CSMD1: variants seen among roughly 807,000 people sequenced by gnomAD.
CSMD1 encodes CUB and sushi domain-containing protein 1.
CSMD1 carries 213 observed loss-of-function variants against 417.5 expected under a neutral mutation model. That is an observed-to-expected ratio of 0.51 (90% CI 0.46 to 0.57). The LOEUF (loss-of-function observed/expected upper bound fraction) is 0.57. Among genes scored for constraint, CSMD1 ranks in the 20% least tolerant of loss-of-function variants. The probability of loss-of-function intolerance (pLI) is 0.00; values close to 1 mark genes in which losing one functional copy is unlikely to be tolerated. For missense variants in CSMD1, 6,923 were observed against 4,529.7 expected (o/e 1.53, Z -15.17); for synonymous variants, 2,862 against 1,736.8 (o/e 1.65, Z -16.11).
intron 3 of CSMD1, among the ~76,000 whole-genome samples, chr8:4,193,705 C>A (rs1280509855): frequency 4.6e-5 from 7 of 152,106 alleles, no homozygotes; most frequent in Admixed American, 4.6e-4. Context: ...ATCGGCATTT[C>A]AAGGCGCAGG....
chr8:3,219,156 T>C (rs1026647275), intron 29 of CSMD1, 99 bp downstream of exon 29: 19 of 914,080 alleles, frequency 2.1e-5, no homozygotes, highest in African/African-American at 1.2e-4. Context: ...TCAGCATTTA[T>C]GTATTAAACA....
chr8:3,331,616 T>C (rs1563280305), intron 23 of CSMD1, among the ~76,000 whole-genome samples: 3 of 152,154 alleles, frequency 2.0e-5, no homozygotes, highest in Non-Finnish European at 2.9e-5. Context: ...AATGAGACAA[T>C]GAATGTGAAT....
rs5889001 is a variant in CSMD1 at position 3,933,067 on chromosome 8, TAA to T, written c.818+64834_818+64835del. ...AACTGCTTGTGGCAAATTATCTCATTAAAAAAAAACAAAAGAAACAACATTAT... is the reference window on the plus strand; with the variant it reads ...AACTGCTTGTGGCAAATTATCTCATTAAAAAAACAAAAGAAACAACATTAT... On this transcript the variant is annotated intron_variant, in intron 5 of 69. Transcript: ENST00000635120. Among the ~76,000 whole-genome samples, 43 of 146,242 alleles carry T rather than the reference TAA, an allele frequency of 2.9e-4. 1 individual carries two copies. The highest frequency in any genetic ancestry group is 6.3e-4 in the African/African-American group (25 of 39,582).
rs912322461 is a variant in CSMD1 at position 3,421,282 on chromosome 8, G to C, written c.1562-11677C>G. 2.6e-5 allele frequency among the ~76,000 whole-genome samples: 4 copies of C among 152,164 alleles called. No homozygotes were observed. The South Asian group carries it at 8.3e-4, about 32-fold the overall frequency. ...TGGATCCAGGGATTGGCCCTGAGTA[G>C]GTCCTCCACAAGGAAACAGTTGGAT... On this transcript the variant is annotated intron_variant, in intron 12 of 69. Transcript: ENST00000635120.
chr8:4,643,556 T>C (rs1478135627), intron 1 of CSMD1, among the ~76,000 whole-genome samples: 1 of 151,984 alleles, frequency 6.6e-6, no homozygotes, highest in Non-Finnish European at 1.5e-5. Context: ...AATAAAATGG[T>C]CCATTGCGAT....
At chr8:4,299,116 G>A (rs887946246) in intron 3 of CSMD1, among the ~76,000 whole-genome samples, 2 of 152,026 alleles carry the variant, frequency 1.3e-5, no homozygotes, top group South Asian at 2.1e-4. Flanking sequence ...ATAGAATACA[G>A]AAAACATTAA....
At chr8:4,467,415 C>T (rs367633494) in intron 2 of CSMD1, among the ~76,000 whole-genome samples, 13 of 151,728 alleles carry the variant, frequency 8.6e-5, no homozygotes, top group African/African-American at 2.7e-4. Context: ...TCTCTTTTTC[C>T]GTCTTAGACT....
chr8:4,712,655 T>C lies in CSMD1; in HGVS notation c.86-75097A>G, dbSNP rs188652104. On this transcript the variant is annotated intron_variant, in intron 1 of 69. Transcript: ENST00000635120. ...GATTTGCAGCATCTTTTTCCTCTAA[T>C]TGGGCAACTAGTAAACATTTCACAA... Among the ~76,000 whole-genome samples, 149 of 152,348 alleles carry C rather than the reference T, an allele frequency of 9.8e-4. 1 individual carries two copies. The highest frequency in any genetic ancestry group is 3.9e-3 in the East Asian group (20 of 5,180).
intron 1 of CSMD1, among the ~76,000 whole-genome samples, chr8:4,793,217 A>T (rs1218671372): frequency 6.6e-6 from 1 of 152,160 alleles, no homozygotes; most frequent in Admixed American, 6.5e-5. Flanking sequence ...GCAGCACAAG[A>T]CATGATCATG....
Position 4,172,855 on chromosome 8 carries a change from C to T in CSMD1, c.416-140756G>A, listed in dbSNP as rs532746956. Among the ~76,000 whole-genome samples the T allele has an allele frequency of 3.3e-5, 5 of 152,146 alleles. 1 individual carries two copies. In the East Asian group the frequency reaches 9.7e-4, roughly 29 times the overall value. On this transcript the variant is annotated intron_variant, in intron 3 of 69. Transcript: ENST00000635120. ...GAAGGGACTGAGGGCTGTCCACAGCCGTGTGCGTAGGCATAAAAGGGAGCC... is the reference window on the plus strand; with the variant it reads ...GAAGGGACTGAGGGCTGTCCACAGCTGTGTGCGTAGGCATAAAAGGGAGCC...
At chr8:4,703,700 G>C (rs1372744866) in intron 1 of CSMD1, among the ~76,000 whole-genome samples, 3 of 152,026 alleles carry the variant, frequency 2.0e-5, no homozygotes, top group African/African-American at 7.3e-5. Context: ...CTGCGACCTT[G>C]AATTAAAAGA....
chr8:4,812,785 G>C (rs1462854486), intron 1 of CSMD1, among the ~76,000 whole-genome samples: 2 of 152,268 alleles, frequency 1.3e-5, no homozygotes, highest in East Asian at 1.9e-4. Flanking sequence ...ATGCATTTTT[G>C]TAGATGCTCT....
chr8:4,850,764 A>G (rs989325725), intron 1 of CSMD1, among the ~76,000 whole-genome samples: 18 of 151,598 alleles, frequency 1.2e-4, no homozygotes, highest in African/African-American at 4.1e-4. Flanking sequence ...TTTTCTTTCA[A>G]CCCCAAACCT....
intron 5 of CSMD1, among the ~76,000 whole-genome samples, chr8:3,824,747 T>C (rs768604565): frequency 1.3e-5 from 2 of 152,186 alleles, no homozygotes; most frequent in Non-Finnish European, 2.9e-5. Context: ...TAAAATGAGA[T>C]GTGGCTCACA....
chr8:2,963,764 A>G (rs1172021838), intron 59 of CSMD1, among the ~76,000 whole-genome samples: 1 of 152,220 alleles, frequency 6.6e-6, no homozygotes, highest in African/African-American at 2.4e-5. Flanking sequence ...ACACAAATTT[A>G]TAGGCACAGA....
chr8:4,380,920 A>T (rs1258025736), intron 3 of CSMD1, among the ~76,000 whole-genome samples: 1 of 152,110 alleles, frequency 6.6e-6, no homozygotes, highest in Non-Finnish European at 1.5e-5. Context: ...ATACATTTTG[A>T]GATATTCTAT....
At chr8:3,813,069 A>G (rs546068682) in intron 5 of CSMD1, among the ~76,000 whole-genome samples, 1 of 151,080 alleles carries the variant, frequency 6.6e-6, no homozygotes, top group East Asian at 2.0e-4. Context: ...CTGGTATACC[A>G]AGAAAATTCT....
Position 4,218,687 on chromosome 8 carries a change from A to G in CSMD1, c.416-186588T>C, listed in dbSNP as rs546879322. Among the ~76,000 whole-genome samples the G allele has an allele frequency of 9.8e-5, 15 of 152,324 alleles. No individual in the cohort carries two copies. In the South Asian group the frequency reaches 3.1e-3, roughly 32 times the overall value. ...TGGTTAGGCTCTAAAGCTTGGATACATCTCTTCAAATAGAGGCAACCATTA... is the reference window on the plus strand; with the variant it reads ...TGGTTAGGCTCTAAAGCTTGGATACGTCTCTTCAAATAGAGGCAACCATTA... On this transcript the variant is annotated intron_variant, in intron 3 of 69. Transcript: ENST00000635120.
At chr8:4,659,607 C>G (rs2130916568) in intron 1 of CSMD1, among the ~76,000 whole-genome samples, 1 of 152,176 alleles carries the variant, frequency 6.6e-6, no homozygotes, top group Non-Finnish European at 1.5e-5. Flanking sequence ...ACACAGAAAA[C>G]AGATTGGTGA....
Sources: allele counts gnomAD v4.1 joint callset (sites outside exome capture counted in the v4.1 genomes callset), GRCh38; gene constraint gnomAD v4.1.1; transcripts MANE v1.5; gene names NCBI Gene and HGNC (gene_info 2026-07-23, HGNC 2026-07-21).